Variants in SLC35D4 observed in about 807,000 individuals in gnomAD.
The protein encoded by SLC35D4 is UDP-N-acetylglucosamine transporter SLC35D4.
chr18:23,251,277 C>A, the SLC35D4 span, among the ~76,000 whole-genome samples: 14 of 152,004 alleles, frequency 9.2e-5, no homozygotes, highest in Admixed American at 4.6e-4. Context: ...ACATGGCGAA[C>A]CCCCATTTAC....
the SLC35D4 span, chr18:23,258,031 CCAGA>C: frequency 1.3e-5 from 2 of 152,162 alleles, no homozygotes; most frequent in African/African-American, 4.8e-5. Context: ...TCTCTCGGTA[CCAGA>C]CAGTTTGACA....
At chr18:23,251,201 C>A in the SLC35D4 span, among the ~76,000 whole-genome samples, 6 of 152,310 alleles carry the variant, frequency 3.9e-5, no homozygotes, top group South Asian at 2.1e-4. Flanking sequence ...GCCTGTAATG[C>A]CAGCACTTTG....
the SLC35D4 span, chr18:23,258,813 T>G: frequency 6.6e-6 from 1 of 152,136 alleles, no homozygotes; most frequent in Non-Finnish European, 1.5e-5. Context: ...TCTGCAGCTT[T>G]CGTTAGCAGA....
At chr18:23,335,556 T>C in the SLC35D4 span, among the ~76,000 whole-genome samples, 1 of 152,104 alleles carries the variant, frequency 6.6e-6, no homozygotes, top group Non-Finnish European at 1.5e-5. Flanking sequence ...CGAACCCCTA[T>C]AGAATAAATG....
At chr18:23,331,960 A>C in the SLC35D4 span, among the ~76,000 whole-genome samples, 1 of 138,460 alleles carries the variant, frequency 7.2e-6, no homozygotes, top group East Asian at 2.1e-4. Flanking sequence ...ATCATAACTC[A>C]CGGCAGTCTT....
At chr18:23,276,302 A>G in the SLC35D4 span, among the ~76,000 whole-genome samples, 1 of 151,846 alleles carries the variant, frequency 6.6e-6, no homozygotes, top group African/African-American at 2.4e-5. Context: ...GTTAGCCAGG[A>G]TGGTCTCGAT....
the SLC35D4 span, among the ~76,000 whole-genome samples, chr18:23,242,786 T>A: frequency 1.1e-3 from 171 of 152,300 alleles, 1 homozygote; most frequent in Non-Finnish European, 1.8e-3. Context: ...AAAATGCCTA[T>A]TTTTTATTTA....
chr18:23,318,547 T>A, the SLC35D4 span, among the ~76,000 whole-genome samples: 12 of 152,234 alleles, frequency 7.9e-5, no homozygotes, highest in Non-Finnish European at 4.4e-5. Context: ...ACTATACACG[T>A]ATCATATAGA....
the SLC35D4 span, among the ~76,000 whole-genome samples, chr18:23,274,705 T>C: frequency 3.3e-5 from 5 of 152,180 alleles, no homozygotes; most frequent in Non-Finnish European, 5.9e-5. Context: ...AGGTGCTGTG[T>C]CCAGTGCACG....
chr18:23,316,968 AGAG>A, the SLC35D4 span, among the ~76,000 whole-genome samples: 2 of 152,196 alleles, frequency 1.3e-5, no homozygotes, highest in East Asian at 3.8e-4. Context: ...TGAAGCTCAC[AGAG>A]GAGAACTATC....
the SLC35D4 span, among the ~76,000 whole-genome samples, chr18:23,278,135 ACT>A: frequency 2.0e-5 from 3 of 152,036 alleles, no homozygotes; most frequent in African/African-American, 7.2e-5. Context: ...TTGATTTCCT[ACT>A]CTCTTCTTGG....
At chr18:23,280,668 C>T in the SLC35D4 span, among the ~76,000 whole-genome samples, 2 of 152,302 alleles carry the variant, frequency 1.3e-5, no homozygotes, top group East Asian at 1.9e-4. Context: ...CTCCCCTGTC[C>T]AACTTCACCA....
At chr18:23,366,677 C>CA in the SLC35D4 span, among the ~76,000 whole-genome samples, 4 of 152,080 alleles carry the variant, frequency 2.6e-5, no homozygotes, top group East Asian at 5.8e-4. Flanking sequence ...CGGCTGTGAG[C>CA]AAAAAAACCA....
chr18:23,258,055 C>T, the SLC35D4 span: 1 of 152,232 alleles, frequency 6.6e-6, no homozygotes, highest in African/African-American at 2.4e-5. Flanking sequence ...ATCCTCCACC[C>T]TTAGAAAATG....
At chr18:23,252,600 G>C in the SLC35D4 span, among the ~76,000 whole-genome samples, 1 of 152,132 alleles carries the variant, frequency 6.6e-6, no homozygotes, top group Admixed American at 6.5e-5. Context: ...AGTGGAGATT[G>C]AACCCAGGTC....
At chr18:23,305,637 C>T in the SLC35D4 span, among the ~76,000 whole-genome samples, 1 of 152,172 alleles carries the variant, frequency 6.6e-6, no homozygotes, top group Non-Finnish European at 1.5e-5. Flanking sequence ...GAAGACATAG[C>T]AGGAGGAGGA....
chr18:23,305,805 A>T, the SLC35D4 span, among the ~76,000 whole-genome samples: 3 of 152,234 alleles, frequency 2.0e-5, no homozygotes, highest in Non-Finnish European at 4.4e-5. Context: ...TGATTTAGAT[A>T]TGGACCTGCC....
chr18:23,345,248 C>T, the SLC35D4 span, among the ~76,000 whole-genome samples: 1 of 151,904 alleles, frequency 6.6e-6, no homozygotes, highest in African/African-American at 2.4e-5. Flanking sequence ...CTTTGGGAGG[C>T]CGAGGTGGGC....
the SLC35D4 span, among the ~76,000 whole-genome samples, chr18:23,269,801 C>A: frequency 6.6e-6 from 1 of 152,166 alleles, no homozygotes; most frequent in Admixed American, 6.5e-5. Flanking sequence ...TGGCATTTTG[C>A]CCCTTCCCTA....
Sources: gnomAD v4.1 joint callset for allele counts (sites outside exome capture counted in the v4.1 genomes callset) on GRCh38, gnomAD v4.1.1 for gene constraint, MANE v1.5 for transcripts, NCBI Gene and HGNC (gene_info 2026-07-23, HGNC 2026-07-21) for gene names.